TNS2: variants seen among roughly 807,000 people sequenced by gnomAD.
The protein encoded by TNS2 is tensin-2.
In TNS2, 77 loss-of-function variants were observed where a neutral mutation model predicts 155.7. The observed-to-expected ratio is 0.49, with a 90% CI of 0.41 to 0.60. The LOEUF (loss-of-function observed/expected upper bound fraction) is 0.60. TNS2 is among the 20% of genes least tolerant of loss of function. The pLI is 0.00. For missense variants in TNS2, 1,703 were observed against 1,868.8 expected, an observed-to-expected ratio of 0.91 and a Z score of 1.64; for synonymous variants, 726 against 763.9, an observed-to-expected ratio of 0.95 and a Z score of 0.82.
rs778539096 is a variant in TNS2, at chr12:53,057,694, G to A, written c.958+15G>A. On this transcript the variant is annotated intron_variant, in intron 12 of 28. Transcript: ENST00000314250. Reference sequence around the variant, plus strand: ...ACCTGGCACAGGTGAGTCTGCCTGAGATGTGCTCCCTAGGGAGAACCACCT... The same window carrying A: ...ACCTGGCACAGGTGAGTCTGCCTGAAATGTGCTCCCTAGGGAGAACCACCT... 8.1e-6 allele frequency: 13 copies of A among 1,613,814 alleles called. No individual in the cohort carries two copies. Among genetic ancestry groups the A allele is most frequent in the Non-Finnish European group, 1.1e-5 (13 of 1,179,866 alleles).
intron 21 of TNS2, 123 bp downstream of exon 21, chr12:53,061,592 G>A: frequency 7.4e-7 from 1 of 1,348,606 alleles, no homozygotes; most frequent in Non-Finnish European, 1.0e-6. Flanking sequence ...ACTCTTGGCT[G>A]AGTGTTTACC....
chr12:53,049,173 G>A (rs574193465), upstream of TNS2: 50 of 1,585,904 alleles, frequency 3.2e-5, no homozygotes, highest in South Asian at 5.4e-4. Context: ...GTGTTGGGAG[G>A]GGGGACCTCC....
chr12:53,050,278 C>G lies in TNS2; in HGVS notation c.75+18C>G. On this transcript the variant is annotated intron_variant, in intron 1 of 28. Transcript: ENST00000314250. The surrounding 1 kb of genome is among the most constrained non-coding windows in gnomAD (Gnocchi z 4.7). Reference sequence around the variant, plus strand: ...CAAGCAGGGTAGGAGTGCCCACCAGCTGGGCAAAAGAGGGGCAGGGGTGGA... The same window carrying G: ...CAAGCAGGGTAGGAGTGCCCACCAGGTGGGCAAAAGAGGGGCAGGGGTGGA... The G allele has an allele frequency of 6.3e-7, 1 of 1,593,706 alleles. No individual in the cohort carries two copies. The highest frequency in any genetic ancestry group is 8.5e-7 in the Non-Finnish European group (1 of 1,170,230).
Position 53,063,019 on chromosome 12 carries a change from A to C in TNS2, c.3824-70A>C. On this transcript the variant is annotated intron_variant, in intron 25 of 28. Coordinates refer to ENST00000314250, the MANE Select transcript of TNS2 (RefSeq NM_170754.4). This position sits in a 1 kb window ranked among gnomAD's most constrained non-coding sequence, Gnocchi z 5.6. ...AGCATGTGACAGCAGTAGCTGGGGAATGTGCAAGAGCTGGTGGGGGTGGCT... is the reference window on the plus strand; with the variant it reads ...AGCATGTGACAGCAGTAGCTGGGGACTGTGCAAGAGCTGGTGGGGGTGGCT... 1.1e-5 allele frequency: 16 copies of C among 1,487,230 alleles called. No individual in the cohort carries two copies. Among genetic ancestry groups the C allele is most frequent in the Non-Finnish European group, 1.4e-5 (16 of 1,117,896 alleles). 92.1% of individuals were successfully genotyped at this position (1,487,230 alleles called of 1,614,324 possible). A position where few individuals can be genotyped will look rare whatever the true frequency, so the allele number is the denominator to read the frequency against.
chr12:53,056,017 G>A, intron 10 of TNS2, 172 bp downstream of exon 10: 1 of 669,530 alleles, frequency 1.5e-6, no homozygotes, highest in South Asian at 1.9e-5. Flanking sequence ...TGCAGCAGAT[G>A]GTCTGTAGAG....
In TNS2 at chr12:53,062,145, C is replaced by T. The variant is rs1486767232; in HGVS notation, c.3575-8C>T. 1 of 1,613,922 alleles carries T rather than the reference C, an allele frequency of 6.2e-7. No individual in the cohort carries two copies. Among genetic ancestry groups the T allele is most frequent in the South Asian group, 1.1e-5 (1 of 91,082 alleles). On this transcript the variant is annotated splice_polypyrimidine_tract_variant and splice_region_variant and intron_variant, in intron 22 of 28. Transcript: ENST00000314250. ...TAAAGCCGCAATCTTCCCCTCGCCT[C>T]CTCTCAGGGGACCCCGTGGAACAGC...
chr12:53,063,932 A>AC lies in TNS2; in HGVS notation c.*54dup. On this transcript the variant is annotated 3_prime_UTR_variant, in exon 29 of 29. Coordinates refer to ENST00000314250, the MANE Select transcript of TNS2 (RefSeq NM_170754.4). The surrounding 1 kb of genome is among the most constrained non-coding windows in gnomAD (Gnocchi z 5.6). Reference sequence around the variant, plus strand: ...ACATCAACACTGCCCCCCTCCCAGCACCCCACAGCCCTCACATCCCCTGGC... The same window carrying AC: ...ACATCAACACTGCCCCCCTCCCAGCACCCCCACAGCCCTCACATCCCCTGGC... 6.3e-7 allele frequency: 1 copy of AC among 1,596,510 alleles called. No homozygotes were observed. Among genetic ancestry groups the AC allele is most frequent in the Non-Finnish European group, 8.6e-7 (1 of 1,169,458 alleles).
Position 53,053,391 on chromosome 12 carries a change from C to G in TNS2, c.223-20C>G. ...GAGCCCTTCACCAGGAGCTCAGTTC[C>G]TTACTCGGTCCCCTTCCAGGTGACT... is the stretch of plus-strand genomic sequence containing the variant. On this transcript the variant is annotated intron_variant, in intron 3 of 28. Transcript: ENST00000314250. The G allele has an allele frequency of 6.2e-7, 1 of 1,613,988 alleles. No homozygotes were observed. Among genetic ancestry groups the G allele is most frequent in the Non-Finnish European group, 8.5e-7 (1 of 1,179,914 alleles).
At chr12:53,056,140 G>A in intron 10 of TNS2, 1 of 272,324 alleles carries the variant, frequency 3.7e-6, no homozygotes. Flanking sequence ...CAGGTCACCT[G>A]AGGTCAGGAG....
rs1170567838 is a variant in TNS2, at chr12:53,050,248, G to A, written c.63G>A (p.Arg21=). ...CCCTGGGGAGGAGGGACAGCAGCCG[G>A]GCCGCAAGCAGGGTAGGAGTGCCCA... ...LRALGRRDSS[R]AASRPRKAEP... is the part of the protein sequence containing the mutation. Residue 21 remains arginine (R), a synonymous_variant, in exon 1 of 29, where the codon CGG becomes CGA. Coordinates refer to ENST00000314250, the MANE Select transcript of TNS2 (RefSeq NM_170754.4). This position sits in a 1 kb window ranked among gnomAD's most constrained non-coding sequence, Gnocchi z 4.7. The A allele has an allele frequency of 1.2e-6, 2 of 1,608,350 alleles. No homozygotes were observed. The highest frequency in any genetic ancestry group is 1.7e-6 in the Non-Finnish European group (2 of 1,178,310).
In TNS2 at chr12:53,059,440, A is replaced by G. The variant is rs1316809720; in HGVS notation, c.1799A>G (p.Glu600Gly). The G allele has an allele frequency of 1.3e-6, 2 of 1,494,448 alleles. No homozygotes were observed. Among genetic ancestry groups the G allele is most frequent in the Admixed American group, 2.5e-5 (1 of 39,692 alleles). The allele number at this position is 1,494,448 out of a possible 1,614,324, so 92.6% of individuals were successfully genotyped here. Reference sequence around the variant, plus strand: ...TGCTCCTGCCGCCAGGGCTACCGGGAGCCCTGCGGGGTTCCCAATGGGGGC... The same window carrying G: ...TGCTCCTGCCGCCAGGGCTACCGGGGGCCCTGCGGGGTTCCCAATGGGGGC... Reference protein sequence around the residue: ...RHCSCRQGYREPCGVPNGGYY... With the variant: ...RHCSCRQGYRGPCGVPNGGYY... The change falls in exon 18 of 29, where the codon GAG becomes GGG. Residue 600 changes from glutamate to glycine, a missense_variant. Transcript: ENST00000314250. This position sits in a 1 kb window ranked among gnomAD's most constrained non-coding sequence, Gnocchi z 4.7.
intron 1 of TNS2, among the ~76,000 whole-genome samples, chr12:53,051,413 G>A (rs1943926127): frequency 6.6e-6 from 1 of 152,218 alleles, no homozygotes; most frequent in Non-Finnish European, 1.5e-5. Context: ...GGCCACTCCT[G>A]CCGGCTCAGT....
Position 53,054,422 on chromosome 12 carries a change from A to G in TNS2, c.503A>G (p.Lys168Arg). 1 of 1,605,242 alleles carries G rather than the reference A, an allele frequency of 6.2e-7. No individual in the cohort carries two copies. Among genetic ancestry groups the G allele is most frequent in the Non-Finnish European group, 8.5e-7 (1 of 1,177,610 alleles). ...LRELAHVLQS[K>R]HRDKYLLFNL... Reference sequence around the variant, plus strand: ...GAGCTGGCCCATGTGCTGCAATCCAAGCACCGGGACAAGTACCTGGTGAGG... The same window carrying G: ...GAGCTGGCCCATGTGCTGCAATCCAGGCACCGGGACAAGTACCTGGTGAGG... Residue 168 changes from lysine (K) to arginine (R), a missense_variant, in exon 7 of 29, where the codon AAG (lysine) becomes AGG (arginine). Coordinates refer to ENST00000314250, the MANE Select transcript of TNS2 (RefSeq NM_170754.4).
intron 3 of TNS2, 102 bp from the exon 4 acceptor site, chr12:53,053,309 A>G: frequency 7.3e-7 from 1 of 1,364,018 alleles, no homozygotes; most frequent in Non-Finnish European, 1.0e-6. Flanking sequence ...CCATCCACTG[A>G]AGGCCCCTCC....
At chr12:53,047,140 G>C (rs1360824483), upstream of TNS2, 2 of 131,086 alleles carry the variant, frequency 1.5e-5, no homozygotes, top group Non-Finnish European at 3.6e-5. Flanking sequence ...GTGGGGATTG[G>C]AGCCGGGAGG....
rs75065595 is a variant in TNS2 at position 53,060,436 on chromosome 12, C to T, written c.2649C>T (p.Gly883=). The T allele has an allele frequency of 1.2e-4, 193 of 1,613,400 alleles. 1 individual carries two copies. The African/African-American group carries it at 2.4e-3, about 20-fold the overall frequency. ...TGGAGCCGGTGTCCTGGAGGGAGGG[C>T]CCCAGTGGGCACAGCACACTGCCTC... ...ESLEPVSWRE[G]PSGHSTLPRS... is the part of the protein sequence containing the mutation. The change falls in exon 19 of 29, where the codon GGC becomes GGT. Residue 883 remains glycine (G), a synonymous_variant. Coordinates refer to ENST00000314250, the MANE Select transcript of TNS2 (RefSeq NM_170754.4). This position sits in a 1 kb window ranked among gnomAD's most constrained non-coding sequence, Gnocchi z 6.1.
At chr12:53,053,472 TG>T (rs775983459) in intron 4 of TNS2, 23 bp downstream of exon 4, 1 of 1,613,282 alleles carries the variant, frequency 6.2e-7, no homozygotes, top group Non-Finnish European at 8.5e-7. Flanking sequence ...TGGGATGGGG[TG>T]GGGAGGGCAA....
rs1223541153 is a variant in TNS2, at chr12:53,063,382, C to T, written c.4026C>T (p.Ser1342=). The change falls in exon 27 of 29, where the codon AGC becomes AGT. Residue 1342 remains serine (S), a synonymous_variant. Transcript: ENST00000314250. This position sits in a 1 kb window ranked among gnomAD's most constrained non-coding sequence, Gnocchi z 5.6. ...LFFRRHYPVN[S]ITFSSTDPQD... is the part of the protein sequence containing the mutation. ...TTCGCCGCCATTATCCAGTGAACAGCATCACCTTCTCCAGCACTGACCCTC... is the reference window on the plus strand; with the variant it reads ...TTCGCCGCCATTATCCAGTGAACAGTATCACCTTCTCCAGCACTGACCCTC... 1 of 1,614,106 alleles carries T rather than the reference C, an allele frequency of 6.2e-7. No homozygotes were observed. Among genetic ancestry groups the T allele is most frequent in the Non-Finnish European group, 8.5e-7 (1 of 1,179,996 alleles).
At position 53,063,430 on chromosome 12, in the gene TNS2, C is replaced by T; in HGVS notation, c.4061+13C>T. Reference sequence around the variant, plus strand: ...CTCAAGACCGGAGGTGACTCTCCCTCCAAACCCTTTGCCCCAAATCCCCAT... The same window carrying T: ...CTCAAGACCGGAGGTGACTCTCCCTTCAAACCCTTTGCCCCAAATCCCCAT... On this transcript the variant is annotated intron_variant, in intron 27 of 28. Transcript: ENST00000314250. The surrounding 1 kb of genome is among the most constrained non-coding windows in gnomAD (Gnocchi z 5.6). The T allele has an allele frequency of 6.2e-7, 1 of 1,613,788 alleles. No individual in the cohort carries two copies. The highest frequency in any genetic ancestry group is 1.3e-5 in the African/African-American group (1 of 75,012).
Sources: allele counts gnomAD v4.1 joint callset (sites outside exome capture counted in the v4.1 genomes callset), GRCh38; gene constraint gnomAD v4.1.1; non-coding constraint Gnocchi (gnomAD v3.1); transcripts MANE v1.5; gene names NCBI Gene and HGNC (gene_info 2026-07-23, HGNC 2026-07-21).